KLF12: variants seen among roughly 807,000 people sequenced by gnomAD.
The protein encoded by KLF12 is KLF transcription factor 12, also known as Krueppel-like factor 12.
KLF12 carries 9 observed loss-of-function variants against 37.8 expected under a neutral mutation model. The observed-to-expected ratio is 0.24, with a 90% CI of 0.14 to 0.42. The LOEUF (loss-of-function observed/expected upper bound fraction) is 0.42, where lower values mean the gene tolerates loss of function less well. Ranked by LOEUF, KLF12 falls within the 10% of genes least tolerant of loss-of-function variation. KLF12 has a pLI of 1.00. For synonymous variants in KLF12, 208 were observed against 202.1 expected, an observed-to-expected ratio of 1.03 and a Z score of -0.25; for missense variants, 411 against 516.0, an observed-to-expected ratio of 0.80 and a Z score of 1.97.
Position 74,068,610 on chromosome 13 carries a change from G to A in KLF12, c.-32+65129C>T, listed in dbSNP as rs1182193471. Among the ~76,000 whole-genome samples the A allele has an allele frequency of 2.0e-5, 3 of 148,274 alleles. No individual in the cohort carries two copies. In the Admixed American group the frequency reaches 2.0e-4, roughly 10 times the overall value. Reference sequence around the variant, plus strand: ...TCTGCTCTCTTGCCCAGGCTGGGGTGCAGTGGTGCAATCTCAGCACACTGC... The same window carrying A: ...TCTGCTCTCTTGCCCAGGCTGGGGTACAGTGGTGCAATCTCAGCACACTGC... On this transcript the variant is annotated intron_variant, in intron 1 of 7. Transcript: ENST00000377669.
chr13:74,071,018 C>G (rs1051915811), intron 1 of KLF12, among the ~76,000 whole-genome samples: 3 of 152,100 alleles, frequency 2.0e-5, no homozygotes, highest in Non-Finnish European at 4.4e-5. Context: ...AAATAGAACT[C>G]AAAACAAAAA....
At chr13:74,056,274 C>T (rs566542033) in intron 1 of KLF12, among the ~76,000 whole-genome samples, 25 of 152,234 alleles carry the variant, frequency 1.6e-4, no homozygotes, top group African/African-American at 5.5e-4. Flanking sequence ...ACACAGCAGC[C>T]CATCAGTTAT....
chr13:73,904,469 C>CTTTTTTTTTTTTTTTTT (rs11342071), intron 3 of KLF12, among the ~76,000 whole-genome samples: 20 of 92,006 alleles, frequency 2.2e-4, no homozygotes, highest in East Asian at 6.8e-4. Flanking sequence ...TCTTTCTTTC[C>CTTTTTTTTTTTTTTTTT]TTTTTTTTTT....
At chr13:74,016,034 G>T (rs1892681339) in intron 1 of KLF12, among the ~76,000 whole-genome samples, 1 of 151,916 alleles carries the variant, frequency 6.6e-6, no homozygotes, top group Non-Finnish European at 1.5e-5. Flanking sequence ...ATGTCTATTG[G>T]AATAACTTTT....
chr13:73,811,312 A>G (rs1257242428), intron 5 of KLF12, among the ~76,000 whole-genome samples: 2 of 152,076 alleles, frequency 1.3e-5, no homozygotes, highest in Admixed American at 6.6e-5. Flanking sequence ...TACTACTGAT[A>G]ACAGATTTAT....
chr13:73,751,239 T>C (rs1373160024), intron 6 of KLF12, among the ~76,000 whole-genome samples: 1 of 152,144 alleles, frequency 6.6e-6, no homozygotes, highest in South Asian at 2.1e-4. Context: ...ATGATTTCTT[T>C]TCCTTTGGGT....
chr13:74,108,443 A>C (rs866339053), intron 1 of KLF12, among the ~76,000 whole-genome samples: 3 of 152,184 alleles, frequency 2.0e-5, no homozygotes, highest in Non-Finnish European at 2.9e-5. Context: ...TATTTATATC[A>C]AATTTTATAT....
chr13:73,893,457 C>A (rs979878920), intron 3 of KLF12, among the ~76,000 whole-genome samples: 10 of 149,118 alleles, frequency 6.7e-5, no homozygotes, highest in Admixed American at 5.4e-4. Flanking sequence ...TCTCCACTTA[C>A]CACAACCTCC....
intron 2 of KLF12, among the ~76,000 whole-genome samples, chr13:73,961,679 T>C (rs775176692): frequency 2.0e-5 from 3 of 152,170 alleles, no homozygotes; most frequent in Non-Finnish European, 4.4e-5. Flanking sequence ...GTGTGTGTTA[T>C]AATGAGACTT....
chr13:73,738,018 AACAAACAC>A lies in KLF12; in HGVS notation c.870-22501_870-22494del, dbSNP rs776197465. Among the ~76,000 whole-genome samples the A allele has an allele frequency of 1.7e-3, 96 of 56,896 alleles. 1 individual carries two copies. Among genetic ancestry groups the A allele is most frequent in the African/African-American group, 7.7e-3 (70 of 9,142 alleles). The allele number at this position is 56,896 out of a possible 152,430, so 37.3% of individuals were successfully genotyped here. A position where few individuals can be genotyped will look rare whatever the true frequency, so the allele number is the denominator to read the frequency against. On this transcript the variant is annotated intron_variant, in intron 6 of 7. Transcript: ENST00000377669. Reference sequence around the variant, plus strand: ...TAACTTCCTTAAATACACTTCATTCAACAAACACACACACACACACACACACACATACG... The same window carrying A: ...TAACTTCCTTAAATACACTTCATTCAACACACACACACACACACACATACG...
chr13:73,986,175 A>C (rs1178849797), intron 2 of KLF12, among the ~76,000 whole-genome samples: 2 of 152,222 alleles, frequency 1.3e-5, no homozygotes, highest in African/African-American at 4.8e-5. Context: ...TGAATTCTAA[A>C]AGTAGTTCAT....
chr13:74,023,901 G>T lies in KLF12; in HGVS notation c.-31-28848C>A, dbSNP rs559293158. Reference sequence around the variant, plus strand: ...TTTCTGGTGATCTTGAAGAAAAGGGGCATGTGAAATACAGCTAGGGTTAAG... The same window carrying T: ...TTTCTGGTGATCTTGAAGAAAAGGGTCATGTGAAATACAGCTAGGGTTAAG... On this transcript the variant is annotated intron_variant, in intron 1 of 7. Coordinates refer to ENST00000377669, the MANE Select transcript of KLF12 (RefSeq NM_007249.5). 7.9e-5 allele frequency among the ~76,000 whole-genome samples: 12 copies of T among 152,244 alleles called. 2 individuals are homozygous for T. The highest frequency in any genetic ancestry group is 2.9e-4 in the African/African-American group (12 of 41,554).
At chr13:73,771,477 G>A (rs894474718) in intron 5 of KLF12, among the ~76,000 whole-genome samples, 1 of 152,016 alleles carries the variant, frequency 6.6e-6, no homozygotes, top group East Asian at 1.9e-4. Flanking sequence ...TAGCATAGAT[G>A]CATAAACATT....
At chr13:73,905,008 T>C (rs1225103779) in intron 3 of KLF12, among the ~76,000 whole-genome samples, 1 of 152,132 alleles carries the variant, frequency 6.6e-6, no homozygotes, top group Non-Finnish European at 1.5e-5. Context: ...TTCAATTTTA[T>C]AGCTTTCTGA....
At chr13:74,110,316 G>A (rs1398862824) in intron 1 of KLF12, among the ~76,000 whole-genome samples, 1 of 152,150 alleles carries the variant, frequency 6.6e-6, no homozygotes, top group Non-Finnish European at 1.5e-5. Flanking sequence ...GTGGCTTACA[G>A]GCCAGTCCTC....
At chr13:74,265,502 T>C in the KLF12 span, among the ~76,000 whole-genome samples, 1 of 152,200 alleles carries the variant, frequency 6.6e-6, no homozygotes, top group Non-Finnish European at 1.5e-5. Flanking sequence ...TTTTCTGGTG[T>C]AAATATATTC....
chr13:73,922,288 T>C (rs1468780815), intron 3 of KLF12, among the ~76,000 whole-genome samples: 1 of 152,212 alleles, frequency 6.6e-6, no homozygotes, highest in Non-Finnish European at 1.5e-5. Context: ...TTCAGTTGTC[T>C]ATGTTAGACA....
chr13:74,267,478 G>C, the KLF12 span, among the ~76,000 whole-genome samples: 1 of 152,186 alleles, frequency 6.6e-6, no homozygotes. Context: ...AAAAAGCTAG[G>C]TACAGAAAGA....
intron 1 of KLF12, among the ~76,000 whole-genome samples, chr13:74,038,698 A>C (rs1453360300): frequency 6.6e-6 from 1 of 152,190 alleles, no homozygotes; most frequent in African/African-American, 2.4e-5. Flanking sequence ...ATTTTTGCTG[A>C]AGTTATTTCT....
Sources: allele counts gnomAD v4.1 joint callset (sites outside exome capture counted in the v4.1 genomes callset), GRCh38; gene constraint gnomAD v4.1.1; transcripts MANE v1.5; gene names NCBI Gene and HGNC (gene_info 2026-07-23, HGNC 2026-07-21).